The following FHIT variants were observed in gnomAD, a reference collection of about 807,000 sequenced individuals.
The protein encoded by FHIT is fragile histidine triad diadenosine triphosphatase.
FHIT carries 19 observed loss-of-function variants against 17.9 expected under a neutral mutation model. That is an observed-to-expected ratio of 1.06 (90% CI 0.74 to 1.56). The LOEUF (loss-of-function observed/expected upper bound fraction) is 1.56, where lower values mean the gene tolerates loss of function less well. FHIT is among the 40% of genes most tolerant of loss of function. The probability of loss-of-function intolerance (pLI) is 0.00; values close to 1 mark genes in which losing one functional copy is unlikely to be tolerated. For missense variants in FHIT, 248 were observed against 189.2 expected (o/e 1.31, Z -1.82); for synonymous variants, 81 against 69.7 (o/e 1.16, Z -0.81).
At chr3:59,770,432 C>T (rs1702022989) in intron 8 of FHIT, among the ~76,000 whole-genome samples, 1 of 152,130 alleles carries the variant, frequency 6.6e-6, no homozygotes, top group Non-Finnish European at 1.5e-5. Context: ...AATTTGGACC[C>T]AGCAGCTGCC....
intron 5 of FHIT, among the ~76,000 whole-genome samples, chr3:60,173,915 A>ATATATATATATATATATATT: frequency 1.5e-5 from 1 of 66,440 alleles, no homozygotes; most frequent in Non-Finnish European, 2.8e-5. Context: ...ATATATATAT[A>ATATATATATATATATATATT]TGTTTTTTTT....
intron 3 of FHIT, among the ~76,000 whole-genome samples, chr3:60,860,273 G>T (rs371955734): frequency 2.4e-3 from 205 of 84,408 alleles, no homozygotes; most frequent in African/African-American, 5.5e-3. Context: ...GTATACATGA[G>T]ATACATCATA....
At chr3:60,830,955 G>A (rs1317221810) in intron 3 of FHIT, among the ~76,000 whole-genome samples, 1 of 152,168 alleles carries the variant, frequency 6.6e-6, no homozygotes. Flanking sequence ...TGTGATATAA[G>A]GGCAGTAAAT....
intron 5 of FHIT, among the ~76,000 whole-genome samples, chr3:60,528,637 G>A (rs1232106857): frequency 6.6e-6 from 1 of 152,188 alleles, no homozygotes; most frequent in African/African-American, 2.4e-5. Flanking sequence ...CAAAGAACAT[G>A]CTTGGTCTTA....
intron 4 of FHIT, among the ~76,000 whole-genome samples, chr3:60,622,326 CA>C (rs2039155431): frequency 6.6e-6 from 1 of 152,148 alleles, no homozygotes; most frequent in Admixed American, 6.5e-5. Flanking sequence ...TAAAGCAAAT[CA>C]CAGTTCTTTA....
At chr3:60,001,209 T>C (rs911624569) in intron 7 of FHIT, among the ~76,000 whole-genome samples, 1 of 152,210 alleles carries the variant, frequency 6.6e-6, no homozygotes, top group Non-Finnish European at 1.5e-5. Context: ...TCCTAGGCTG[T>C]CTTGCCTTCC....
chr3:60,517,733 C>T (rs6446130), intron 5 of FHIT, among the ~76,000 whole-genome samples: 29,835 of 152,052 alleles, frequency 0.2, 3,439 homozygotes, highest in African/African-American at 0.31. Flanking sequence ...TATAGTTGTG[C>T]CACAATCCCC....
intron 2 of FHIT, among the ~76,000 whole-genome samples, chr3:61,059,238 C>T (rs1406016310): frequency 6.6e-6 from 1 of 152,214 alleles, no homozygotes; most frequent in Admixed American, 6.5e-5. Flanking sequence ...CAACATTTTA[C>T]ACAGTATCCC....
chr3:59,990,989 A>G (rs1364322025), intron 7 of FHIT, among the ~76,000 whole-genome samples: 1 of 152,094 alleles, frequency 6.6e-6, no homozygotes. Flanking sequence ...CCAGTTGTCT[A>G]TCCTAGAGAC....
intron 5 of FHIT, among the ~76,000 whole-genome samples, chr3:60,115,813 A>T (rs1704931353): frequency 6.6e-6 from 1 of 152,176 alleles, no homozygotes; most frequent in Non-Finnish European, 1.5e-5. Flanking sequence ...AAATGTACAA[A>T]CACGAATAGG....
chr3:60,452,897 A>C (rs2107375660), intron 5 of FHIT, among the ~76,000 whole-genome samples: 1 of 152,342 alleles, frequency 6.6e-6, no homozygotes, highest in East Asian at 1.9e-4. Context: ...TCAACAATGA[A>C]ATATCTAAAG....
chr3:60,893,905 T>C (rs545801065), intron 3 of FHIT, among the ~76,000 whole-genome samples: 67 of 152,252 alleles, frequency 4.4e-4, no homozygotes, highest in Non-Finnish European at 3.4e-4. Flanking sequence ...CAAAGTCAGG[T>C]AGAAATCCCA....
intron 8 of FHIT, among the ~76,000 whole-genome samples, chr3:59,830,751 T>A (rs932908305): frequency 1.3e-5 from 2 of 152,180 alleles, no homozygotes; most frequent in African/African-American, 4.8e-5. Flanking sequence ...GAGCAGGGCC[T>A]TTTGCAAAGG....
At chr3:61,075,970 G>C (rs2034958662) in intron 2 of FHIT, among the ~76,000 whole-genome samples, 2 of 152,170 alleles carry the variant, frequency 1.3e-5, no homozygotes, top group African/African-American at 4.8e-5. Flanking sequence ...GGTAAGAATT[G>C]TGTTGAGCAC....
intron 5 of FHIT, among the ~76,000 whole-genome samples, chr3:60,451,934 T>G (rs2031774262): frequency 6.6e-6 from 1 of 152,100 alleles, no homozygotes; most frequent in Non-Finnish European, 1.5e-5. Context: ...GCCACCCACT[T>G]CCAAATTTGA....
Position 60,480,750 on chromosome 3 carries a change from G to A in FHIT, c.103+56110C>T, listed in dbSNP as rs146405200. On this transcript the variant is annotated intron_variant, in intron 5 of 9. Transcript: ENST00000492590. ...CAGGAAGAGGGATCCCAGGGCCTTGGGCAGCTCTACCTCTCTGACTCTGCA... is the reference window on the plus strand; with the variant it reads ...CAGGAAGAGGGATCCCAGGGCCTTGAGCAGCTCTACCTCTCTGACTCTGCA... Among the ~76,000 whole-genome samples the A allele has an allele frequency of 2.4e-3, 364 of 152,266 alleles. 3 individuals are homozygous for A. The highest frequency in any genetic ancestry group is 8.3e-3 in the African/African-American group (343 of 41,552).
chr3:60,308,046 G>T (rs1276601658), intron 5 of FHIT, among the ~76,000 whole-genome samples: 1 of 152,140 alleles, frequency 6.6e-6, no homozygotes, highest in Non-Finnish European at 1.5e-5. Flanking sequence ...CTACTTCGCA[G>T]ATAAGAGGAA....
chr3:60,902,148 C>T (rs1553763318), intron 3 of FHIT, among the ~76,000 whole-genome samples: 1 of 152,124 alleles, frequency 6.6e-6, no homozygotes, highest in Non-Finnish European at 1.5e-5. Context: ...AAAAAGTTCC[C>T]ATGTACTTTG....
chr3:61,052,798 G>T (rs773550785), intron 2 of FHIT, among the ~76,000 whole-genome samples: 2 of 152,070 alleles, frequency 1.3e-5, no homozygotes, highest in Non-Finnish European at 2.9e-5. Flanking sequence ...AAGGTTCCAA[G>T]ATCCCTCCAC....
Sources: gnomAD v4.1 joint callset for allele counts (sites outside exome capture counted in the v4.1 genomes callset) on GRCh38, gnomAD v4.1.1 for gene constraint, MANE v1.5 for transcripts, NCBI Gene and HGNC (gene_info 2026-07-23, HGNC 2026-07-21) for gene names.